APPBP2: variants seen among roughly 807,000 people sequenced by gnomAD.
The protein encoded by APPBP2 is amyloid protein-binding protein 2.
In APPBP2, 15 loss-of-function variants were observed where a neutral mutation model predicts 76.0. That is an observed-to-expected ratio of 0.20 (90% CI 0.13 to 0.30). APPBP2 has a LOEUF of 0.30. Ranked by LOEUF, APPBP2 falls within the 10% of genes least tolerant of loss-of-function variation. The pLI is 1.00. For missense variants in APPBP2, 401 were observed against 687.2 expected, an observed-to-expected ratio of 0.58 and a Z score of 4.66; for synonymous variants, 222 against 242.2, an observed-to-expected ratio of 0.92 and a Z score of 0.77.
intron 1 of APPBP2, among the ~76,000 whole-genome samples, chr17:60,518,352 T>C (rs1341135428): frequency 9.0e-6 from 1 of 110,940 alleles, no homozygotes; most frequent in Admixed American, 8.8e-5. Flanking sequence ...CAGCCGTGTG[T>C]GCGTGCGTGT....
chr17:60,502,616 G>C (rs959796679), intron 1 of APPBP2, among the ~76,000 whole-genome samples: 3 of 146,762 alleles, frequency 2.0e-5, no homozygotes, highest in African/African-American at 8.3e-5. Context: ...CACTTTGGGA[G>C]GCCAAGGGGG....
At position 60,479,259 on chromosome 17, in the gene APPBP2, G is replaced by C; in HGVS notation, c.392C>G (p.Ser131Ter). The change falls in exon 4 of 13, where the codon TCA becomes TGA. Residue 131 changes from serine to a stop codon, truncating the protein, a stop_gained. Coordinates refer to ENST00000083182, the MANE Select transcript of APPBP2 (RefSeq NM_006380.5). LOFTEE classifies it high-confidence loss of function. Reference sequence around the variant, plus strand: ...AGCATCACTGTACCAGCCTGCATCTGAAAGAAAGCCACCTAAAAAAATAAG... The same window carrying C: ...AGCATCACTGTACCAGCCTGCATCTCAAAGAAAGCCACCTAAAAAAATAAG... ...QVGFVLGGFLSDAGWYSDAEK... is the reference protein window; with the variant it reads ...QVGFVLGGFL 1 of 1,595,816 alleles carries C rather than the reference G, an allele frequency of 6.3e-7. No individual in the cohort carries two copies. Among genetic ancestry groups the C allele is most frequent in the Non-Finnish European group, 8.5e-7 (1 of 1,175,382 alleles).
At chr17:60,455,849 C>T (rs2090427270) in intron 10 of APPBP2, among the ~76,000 whole-genome samples, 1 of 151,514 alleles carries the variant, frequency 6.6e-6, no homozygotes, top group Admixed American at 6.6e-5. Flanking sequence ...ACGATCTTGG[C>T]TCACTGCAAC....
At chr17:60,510,912 A>T (rs1481722545) in intron 1 of APPBP2, among the ~76,000 whole-genome samples, 5 of 152,020 alleles carry the variant, frequency 3.3e-5, no homozygotes, top group Admixed American at 2.6e-4. Flanking sequence ...TATGATGATG[A>T]TGTCACTAGG....
chr17:60,467,431 T>C (rs986059372), intron 4 of APPBP2, among the ~76,000 whole-genome samples: 1 of 152,202 alleles, frequency 6.6e-6, no homozygotes, highest in Non-Finnish European at 1.5e-5. Flanking sequence ...TTCCTCTGTA[T>C]AGTCACAGAA....
At chr17:60,524,505 A>T (rs984932348) in intron 1 of APPBP2, among the ~76,000 whole-genome samples, 1 of 151,362 alleles carries the variant, frequency 6.6e-6, no homozygotes. Flanking sequence ...GCATGACCTA[A>T]ATGAATCTTC....
At chr17:60,513,870 TAG>T (rs1159654501) in intron 1 of APPBP2, among the ~76,000 whole-genome samples, 1 of 145,700 alleles carries the variant, frequency 6.9e-6, no homozygotes, top group Non-Finnish European at 1.5e-5. Flanking sequence ...AAAAAGAAAA[TAG>T]AGCATATATG....
chr17:60,490,710 G>A (rs986701630), intron 3 of APPBP2, among the ~76,000 whole-genome samples: 2 of 152,070 alleles, frequency 1.3e-5, no homozygotes, highest in Admixed American at 6.5e-5. Flanking sequence ...GGACCTGGTG[G>A]GAGATAACTG....
intron 6 of APPBP2, among the ~76,000 whole-genome samples, chr17:60,463,666 A>T (rs1321948104): frequency 6.6e-6 from 1 of 152,230 alleles, no homozygotes; most frequent in Non-Finnish European, 1.5e-5. Flanking sequence ...CAAAGTTCAC[A>T]GGATTTTGGC....
At chr17:60,458,566 TTGTCCACACATTCTCTGC>T (rs1013000131) in intron 9 of APPBP2, among the ~76,000 whole-genome samples, 2 of 152,212 alleles carry the variant, frequency 1.3e-5, no homozygotes, top group African/African-American at 4.8e-5. Flanking sequence ...TTAGGTTGTG[TTGTCCACACATTCTCTGC>T]TGCAACTACT....
At position 60,492,449 on chromosome 17, in the gene APPBP2, C is replaced by T. The variant is rs113082626; in HGVS notation, c.379+2017G>A. The stretch of plus-strand genomic sequence containing the variant: ...GCCTGAAAAAACCACAGACACTCGA[C>T]GCCAGTCCGTGAAAGCAGCTGGGAG... On this transcript the variant is annotated intron_variant, in intron 3 of 12. Transcript: ENST00000083182. Among the ~76,000 whole-genome samples the T allele has an allele frequency of 4.9e-3, 743 of 152,312 alleles. 7 individuals are homozygous for T. Among genetic ancestry groups the T allele is most frequent in the African/African-American group, 0.017 (687 of 41,568 alleles).
chr17:60,475,964 G>A (rs977229299), intron 4 of APPBP2, among the ~76,000 whole-genome samples: 5 of 152,098 alleles, frequency 3.3e-5, no homozygotes, highest in African/African-American at 7.2e-5. Context: ...AGGGGGTTGC[G>A]GGTGTGATTT....
At chr17:60,501,810 T>C (rs759179338) in intron 1 of APPBP2, among the ~76,000 whole-genome samples, 20 of 152,114 alleles carry the variant, frequency 1.3e-4, no homozygotes, top group South Asian at 2.1e-4. Flanking sequence ...ATGGAAAACA[T>C]AATAAAACCT....
intron 4 of APPBP2, among the ~76,000 whole-genome samples, chr17:60,471,138 T>C (rs2090549486): frequency 6.6e-6 from 1 of 152,120 alleles, no homozygotes; most frequent in South Asian, 2.1e-4. Flanking sequence ...GTTCTTGATA[T>C]ATTCTGGATA....
At chr17:60,466,082 C>T (rs1246271557) in intron 5 of APPBP2, among the ~76,000 whole-genome samples, 1 of 152,158 alleles carries the variant, frequency 6.6e-6, no homozygotes. Flanking sequence ...GATCCTCTAC[C>T]TTGGCCTCCT....
chr17:60,520,690 A>G (rs1226705380), intron 1 of APPBP2, among the ~76,000 whole-genome samples: 1 of 152,222 alleles, frequency 6.6e-6, no homozygotes, highest in African/African-American at 2.4e-5. Flanking sequence ...AAAAACACAA[A>G]ATAGACCTTC....
At chr17:60,505,926 A>G (rs112090350) in intron 1 of APPBP2, among the ~76,000 whole-genome samples, 12,331 of 146,590 alleles carry the variant, frequency 0.084, 1,678 homozygotes, top group African/African-American at 0.29. Flanking sequence ...TAGGTGATCC[A>G]CCTGCCTCGG....
At position 60,447,267 on chromosome 17, in the gene APPBP2, A is replaced by AT. The variant is rs2090356138; in HGVS notation, c.*313dup. On this transcript the variant is annotated 3_prime_UTR_variant, in exon 13 of 13. Transcript: ENST00000083182. ...CTCTTAAATAGTTTTATTTAGGGGT[A>AT]TTTTTTTTCTTTCAGGCTTTCTGCA... is the stretch of plus-strand genomic sequence containing the variant. 11 of 229,682 alleles carry AT rather than the reference A, an allele frequency of 4.8e-5. No homozygotes were observed. Among genetic ancestry groups the AT allele is most frequent in the East Asian group, 9.1e-5 (1 of 10,976 alleles). 14.2% of individuals were successfully genotyped at this position (229,682 alleles called of 1,614,324 possible).
Position 60,447,071 on chromosome 17 carries a change from C to G in APPBP2, c.*510G>C, listed in dbSNP as rs143548389. The G allele has an allele frequency of 6.5e-6, 1 of 152,990 alleles. No individual in the cohort carries two copies. The highest frequency in any genetic ancestry group is 1.5e-5 in the Non-Finnish European group (1 of 68,344). 9.5% of individuals were successfully genotyped at this position (152,990 alleles called of 1,614,324 possible). A position where few individuals can be genotyped will look rare whatever the true frequency, so the allele number is the denominator to read the frequency against. On this transcript the variant is annotated 3_prime_UTR_variant, in exon 13 of 13. Transcript: ENST00000083182. ...CTGGGCAAGGTAGAAAAACGTAAGT[C>G]GGGATGTCCCTCTTTTATTAGTACT...
Sources: allele counts gnomAD v4.1 joint callset (sites outside exome capture counted in the v4.1 genomes callset), GRCh38; gene constraint gnomAD v4.1.1; transcripts MANE v1.5; gene names NCBI Gene and HGNC (gene_info 2026-07-23, HGNC 2026-07-21).